ATG4C: variants seen among roughly 807,000 people sequenced by gnomAD.
The protein encoded by ATG4C is cysteine protease ATG4C.
Under a neutral mutation model 57.6 loss-of-function variants are expected in ATG4C, and 56 were observed. The observed-to-expected ratio is 0.97, with a 90% CI of 0.78 to 1.21. The LOEUF is 1.21. ATG4C is among the 50% of genes most tolerant of loss of function. The probability of loss-of-function intolerance (pLI) is 0.00; values close to 1 mark genes in which losing one functional copy is unlikely to be tolerated. For missense variants in ATG4C, 595 were observed against 529.8 expected (o/e 1.12, Z -1.21); for synonymous variants, 157 against 174.1 (o/e 0.90, Z 0.78).
At chr1:62,849,624 G>A (rs1487288483) in intron 10 of ATG4C, among the ~76,000 whole-genome samples, 1 of 151,814 alleles carries the variant, frequency 6.6e-6, no homozygotes, top group African/African-American at 2.4e-5. Flanking sequence ...TGATTCTCAT[G>A]CCTCAGCCTC....
At chr1:62,818,951 T>C in intron 4 of ATG4C, 54 bp from the exon 5 acceptor site, 1 of 1,327,696 alleles carries the variant, frequency 7.5e-7, no homozygotes, top group Non-Finnish European at 1.0e-6. Context: ...TTTAGTAGAA[T>C]TGTTAAAGTA....
chr1:62,795,025 A>C (rs1664415127), intron 1 of ATG4C, among the ~76,000 whole-genome samples: 1 of 152,240 alleles, frequency 6.6e-6, no homozygotes, highest in Non-Finnish European at 1.5e-5. Context: ...GCACATCCAA[A>C]ATTCTAAATC....
chr1:62,863,485 CCT>C (rs979095192), intron 10 of ATG4C, among the ~76,000 whole-genome samples: 1 of 151,784 alleles, frequency 6.6e-6, no homozygotes, highest in Non-Finnish European at 1.5e-5. Flanking sequence ...CAGTGATTAC[CCT>C]GTTTTATAGA....
At chr1:62,842,820 T>C (rs1666212327) in intron 10 of ATG4C, among the ~76,000 whole-genome samples, 1 of 152,200 alleles carries the variant, frequency 6.6e-6, no homozygotes, top group Non-Finnish European at 1.5e-5. Context: ...TTGTTCTCTT[T>C]TCATTCTCCT....
chr1:62,811,681 G>T (rs1665088726), intron 3 of ATG4C, among the ~76,000 whole-genome samples: 1 of 152,066 alleles, frequency 6.6e-6, no homozygotes. Flanking sequence ...AGAATTTAGG[G>T]TTATCTCTGA....
At chr1:62,834,183 T>C (rs1665926403) in intron 8 of ATG4C, 67 bp downstream of exon 8, 1 of 1,449,494 alleles carries the variant, frequency 6.9e-7, no homozygotes, top group Non-Finnish European at 9.6e-7. Flanking sequence ...TAATATGAGA[T>C]CATCTGGAAA....
chr1:62,821,926 C>A (rs959687693), intron 6 of ATG4C, among the ~76,000 whole-genome samples: 4 of 152,024 alleles, frequency 2.6e-5, no homozygotes, highest in Admixed American at 2.6e-4. Context: ...TTGATTGCAA[C>A]CCATCACATG....
intron 10 of ATG4C, among the ~76,000 whole-genome samples, chr1:62,856,875 G>GT (rs760296715): frequency 1.5e-4 from 23 of 152,164 alleles, no homozygotes; most frequent in Non-Finnish European, 3.2e-4. Flanking sequence ...GAGGTAGTCT[G>GT]TTTAAGGGAA....
rs138913085 is a variant in ATG4C, at chr1:62,819,588, G to A, written c.725+253G>A. ...ACATCCCAGGTCTCTTTCTAACCAG[G>A]TTTTCATTAGAATACCTTACTGAAA... On this transcript the variant is annotated intron_variant, in intron 5 of 10. Transcript: ENST00000317868. Among the ~76,000 whole-genome samples, 481 of 151,910 alleles carry A rather than the reference G, an allele frequency of 3.2e-3. 3 individuals carry two copies. The highest frequency in any genetic ancestry group is 0.011 in the African/African-American group (463 of 41,460).
intron 1 of ATG4C, among the ~76,000 whole-genome samples, chr1:62,785,652 C>A (rs1001497708): frequency 6.6e-6 from 1 of 152,072 alleles, no homozygotes; most frequent in African/African-American, 2.4e-5. Flanking sequence ...GTTTGCAGCT[C>A]GTTTTCTATT....
At chr1:62,789,785 C>T (rs1188310583) in intron 1 of ATG4C, among the ~76,000 whole-genome samples, 1 of 152,036 alleles carries the variant, frequency 6.6e-6, no homozygotes, top group Non-Finnish European at 1.5e-5. Flanking sequence ...CCACTGCACT[C>T]CAGCCTGGGC....
chr1:62,832,583 G>T (rs1319676676), intron 7 of ATG4C, among the ~76,000 whole-genome samples: 2 of 152,106 alleles, frequency 1.3e-5, no homozygotes, highest in Non-Finnish European at 2.9e-5. Context: ...TTTATTTTTA[G>T]TTAGCTCTAA....
At chr1:62,850,831 T>C (rs1485487927) in intron 10 of ATG4C, among the ~76,000 whole-genome samples, 1 of 133,092 alleles carries the variant, frequency 7.5e-6, no homozygotes, top group Non-Finnish European at 1.6e-5. Flanking sequence ...TGCTGTATCA[T>C]GTATGTATGT....
intron 1 of ATG4C, among the ~76,000 whole-genome samples, chr1:62,787,498 A>G (rs1242517859): frequency 6.6e-6 from 1 of 152,182 alleles, no homozygotes; most frequent in Non-Finnish European, 1.5e-5. Context: ...AAAAATACAT[A>G]CTTGTGATTT....
chr1:62,864,044 G>C lies in ATG4C; in HGVS notation c.1262G>C (p.Gly421Ala). Residue 421 changes from glycine to alanine, a missense_variant, in exon 11 of 11, where the codon GGT (glycine) becomes GCT (alanine). Physicochemically the swap from Gly to Ala is moderately conservative, Grantham distance 60. Transcript: ENST00000317868. ...EKYPLFTFVN[G>A]HSRDYDFTST... is the part of the protein sequence containing the mutation. The stretch of plus-strand genomic sequence containing the variant: ...TATCCCTTATTTACTTTTGTAAATG[G>C]TCATTCCAGAGACTATGATTTTACA... 5 of 1,592,300 alleles carry C rather than the reference G, an allele frequency of 3.1e-6. No homozygotes were observed. Among genetic ancestry groups the C allele is most frequent in the Non-Finnish European group, 4.3e-6 (5 of 1,172,348 alleles).
At chr1:62,842,735 T>A (rs1666210217) in intron 10 of ATG4C, among the ~76,000 whole-genome samples, 1 of 152,194 alleles carries the variant, frequency 6.6e-6, no homozygotes, top group South Asian at 2.1e-4. Flanking sequence ...TTAGCAGGAA[T>A]GTGGCAGGAA....
At chr1:62,860,410 A>C (rs529830900) in intron 10 of ATG4C, among the ~76,000 whole-genome samples, 1 of 152,292 alleles carries the variant, frequency 6.6e-6, no homozygotes, top group South Asian at 2.1e-4. Context: ...TCTGCCATAC[A>C]ATCAGTTTGT....
chr1:62,798,388 G>C (rs1487989117), intron 1 of ATG4C, among the ~76,000 whole-genome samples: 1 of 152,000 alleles, frequency 6.6e-6, no homozygotes, highest in Non-Finnish European at 1.5e-5. Context: ...GTTTATATTT[G>C]TGCTCTCCAT....
At chr1:62,807,983 A>G (rs1664937089) in intron 3 of ATG4C, among the ~76,000 whole-genome samples, 1 of 152,238 alleles carries the variant, frequency 6.6e-6, no homozygotes, top group African/African-American at 2.4e-5. Context: ...TGATTGAAGT[A>G]TAGGATTCCC....
Sources: gnomAD v4.1 joint callset for allele counts (sites outside exome capture counted in the v4.1 genomes callset) on GRCh38, gnomAD v4.1.1 for gene constraint, MANE v1.5 for transcripts, NCBI Gene and HGNC (gene_info 2026-07-23, HGNC 2026-07-21) for gene names.